The following ZNF7 variants were observed in gnomAD, a reference collection of about 807,000 sequenced individuals.
The protein encoded by ZNF7 is C2-H2 type zinc finger protein.
In ZNF7, 10 loss-of-function variants were observed where a neutral mutation model predicts 12.0. The observed-to-expected ratio is 0.83, with a 90% CI of 0.51 to 1.42. The LOEUF (loss-of-function observed/expected upper bound fraction) is 1.42, where lower values mean the gene tolerates loss of function less well. ZNF7 is among the 40% of genes most tolerant of loss of function. The pLI is 0.00. For missense variants in ZNF7, 854 were observed against 837.2 expected (o/e 1.02, Z -0.25); for synonymous variants, 334 against 295.0 (o/e 1.13, Z -1.35).
chr8:144,827,805 G>T, intron 1 of ZNF7, 196 bp downstream of exon 1: 4 of 547,392 alleles, frequency 7.3e-6, no homozygotes, highest in Non-Finnish European at 9.3e-6. Flanking sequence ...CCCCCGCGGC[G>T]GCGCGAGGTG....
At chr8:144,835,294 C>T (rs1010204698) in intron 3 of ZNF7, 8 of 151,608 alleles carry the variant, frequency 5.3e-5, no homozygotes, top group Non-Finnish European at 1.2e-4. Flanking sequence ...GCCTTGAACT[C>T]CTGGGCTCAA....
chr8:144,829,284 G>T, intron 2 of ZNF7, 194 bp downstream of exon 2: 2 of 1,532,922 alleles, frequency 1.3e-6, no homozygotes, highest in South Asian at 1.2e-5. Context: ...AGGGGGGAGG[G>T]TTGTATGACC....
rs1489708922 is a variant in ZNF7, at chr8:144,831,770, G to A, written c.130+2166G>A. Among the ~76,000 whole-genome samples, 2 of 82,136 alleles carry A rather than the reference G, an allele frequency of 2.4e-5. 1 individual carries two copies. Among genetic ancestry groups the A allele is most frequent in the Non-Finnish European group, 5.4e-5 (2 of 36,972 alleles). The allele number at this position is 82,136 out of a possible 152,430, so 53.9% of individuals were successfully genotyped here. Reference sequence around the variant, plus strand: ...TGCAATCCGGCCTGGGCAACAGAGCGAGACTCCATCTAAAAAAAAAAAAAA... The same window carrying A: ...TGCAATCCGGCCTGGGCAACAGAGCAAGACTCCATCTAAAAAAAAAAAAAA... On this transcript the variant is annotated intron_variant, in intron 3 of 4. Coordinates refer to ENST00000532777, the MANE Select transcript of ZNF7 (RefSeq NM_003416.4).
intron 4 of ZNF7, chr8:144,838,157 T>C: frequency 1.4e-6 from 1 of 702,892 alleles, no homozygotes; most frequent in Middle Eastern, 2.3e-4. Context: ...GATGCGTCCC[T>C]CACTCTGATC....
chr8:144,844,443 G>C (rs1005753426), downstream of ZNF7, among the ~76,000 whole-genome samples: 1 of 152,184 alleles, frequency 6.6e-6, no homozygotes, highest in South Asian at 2.1e-4. Flanking sequence ...GGGCGTGGTG[G>C]CTCACGCCTG....
At chr8:144,828,978 C>G in intron 1 of ZNF7, 65 bp from the exon 2 acceptor site, 2 of 1,574,896 alleles carry the variant, frequency 1.3e-6, no homozygotes, top group Non-Finnish European at 1.7e-6. Flanking sequence ...ACAGTACCCC[C>G]TTGATTAGCC....
chr8:144,846,183 TC>T (rs1230076262), downstream of ZNF7: 14 of 1,535,850 alleles, frequency 9.1e-6, no homozygotes, highest in Non-Finnish European at 1.2e-5. Flanking sequence ...GTCTGAAAAT[TC>T]CAGATTCTGT....
At chr8:144,828,878 G>C in intron 1 of ZNF7, 165 bp from the exon 2 acceptor site, 1 of 784,294 alleles carries the variant, frequency 1.3e-6, no homozygotes, top group Non-Finnish European at 2.0e-6. Flanking sequence ...AGTTCAGTGG[G>C]CCTCCTTCAC....
Position 144,842,208 on chromosome 8 carries a change from T to G in ZNF7, c.1101T>G (p.Cys367Trp). 6.2e-7 allele frequency: 1 copy of G among 1,614,018 alleles called. No homozygotes were observed. The highest frequency in any genetic ancestry group is 8.5e-7 in the Non-Finnish European group (1 of 1,180,002). ...AGAGGCCCTACCCTTGCAAGGAGTG[T>G]GGGAAGGCCTTCAGCCAGAGCTCCA... ...TGERPYPCKE[C>W]GKAFSQSSTL... Residue 367 changes from cysteine (C) to tryptophan (W), a missense_variant, in exon 5 of 5, where the codon TGT becomes TGG. Transcript: ENST00000532777.
chr8:144,841,013 G>A (rs776068630), intron 4 of ZNF7: 8 of 239,276 alleles, frequency 3.3e-5, no homozygotes, highest in East Asian at 9.3e-5. Context: ...AGCCCAATCC[G>A]TGGTAGCTTC....
In ZNF7 at chr8:144,843,261, G is replaced by GAATGTTGGTAA. The variant is rs1222434115; in HGVS notation, c.*95_*105dup. ...AATCGTTTATACTGACAAACATGTA[G>GAATGTTGGTAA]AATGTTGGTAAAGGTTCAGAATTGC... On this transcript the variant is annotated 3_prime_UTR_variant, in exon 5 of 5. Transcript: ENST00000532777. 1 of 1,399,130 alleles carries GAATGTTGGTAA rather than the reference G, an allele frequency of 7.1e-7. No homozygotes were observed. The highest frequency in any genetic ancestry group is 2.3e-5 in the East Asian group (1 of 42,916). The allele number at this position is 1,399,130 out of a possible 1,614,324, so 86.7% of individuals were successfully genotyped here. A position where few individuals can be genotyped will look rare whatever the true frequency, so the allele number is the denominator to read the frequency against.
At position 144,828,981 on chromosome 8, in the gene ZNF7, G is replaced by T; in HGVS notation, c.-45-62G>T. ...GGAGCAGAGAGCACAGTACCCCCTT[G>T]ATTAGCCTGGAAGTTGGGCTTCTGG... is the stretch of plus-strand genomic sequence containing the variant. On this transcript the variant is annotated intron_variant, in intron 1 of 4. Coordinates refer to ENST00000532777, the MANE Select transcript of ZNF7 (RefSeq NM_003416.4). 3 of 1,579,060 alleles carry T rather than the reference G, an allele frequency of 1.9e-6. No individual in the cohort carries two copies. The South Asian group carries it at 3.5e-5, about 18-fold the overall frequency.
downstream of ZNF7, chr8:144,845,861 A>G: frequency 3.1e-6 from 3 of 952,836 alleles, no homozygotes; most frequent in Non-Finnish European, 4.7e-6. Context: ...GTATGTGTGC[A>G]GTGTCCCTGC....
At chr8:144,831,915 C>T (rs1828501744) in intron 3 of ZNF7, among the ~76,000 whole-genome samples, 1 of 98,870 alleles carries the variant, frequency 1.0e-5, no homozygotes, top group African/African-American at 3.0e-5. Context: ...CTGGGGAGAG[C>T]GAGGAGGGAG....
chr8:144,845,930 C>T (rs1323334509), downstream of ZNF7: 1 of 1,516,188 alleles, frequency 6.6e-7, no homozygotes, highest in East Asian at 2.5e-5. Context: ...GCCAGGTGGT[C>T]ACCTTCAGGT....
Position 144,843,537 on chromosome 8 carries a change from G to T in ZNF7, c.*369G>T, listed in dbSNP as rs560815297. 5.3e-5 allele frequency: 8 copies of T among 151,838 alleles called. No individual in the cohort carries two copies. Among genetic ancestry groups the T allele is most frequent in the Middle Eastern group, 3.3e-3 (1 of 302 alleles). 9.4% of individuals were successfully genotyped at this position (151,838 alleles called of 1,614,324 possible). ...CAGGAGGCGGAGCTTGCAGTGAGCT[G>T]AGATCGCGCCACTGCACTCCAGCCT... On this transcript the variant is annotated 3_prime_UTR_variant, in exon 5 of 5. Transcript: ENST00000532777.
chr8:144,831,652 G>T (rs62531521), intron 3 of ZNF7, among the ~76,000 whole-genome samples: 31,172 of 84,138 alleles, frequency 0.37, 8,187 homozygotes, highest in Non-Finnish European at 0.51. Context: ...GTGTGGTGGC[G>T]CATGCCTGTA....
At position 144,842,938 on chromosome 8, in the gene ZNF7, G is replaced by A. The variant is rs780700459; in HGVS notation, c.1831G>A (p.Glu611Lys). Residue 611 changes from glutamate (E) to lysine (K), a missense_variant, in exon 5 of 5, where the codon GAA (glutamate) becomes AAA (lysine). Glu to Lys is a moderately conservative substitution (Grantham distance 56). Transcript: ENST00000532777. Reference sequence around the variant, plus strand: ...ACACACTAGGGCCCAGTGGTTTTACGAATATGGGAATGCCCTGGAAGGGTC... The same window carrying A: ...ACACACTAGGGCCCAGTGGTTTTACAAATATGGGAATGCCCTGGAAGGGTC... ...RIHTRAQWFY[E>K]YGNALEGSTF... The A allele has an allele frequency of 6.2e-6, 10 of 1,614,128 alleles. No individual in the cohort carries two copies. Among genetic ancestry groups the A allele is most frequent in the African/African-American group, 1.3e-5 (1 of 75,032 alleles).
intron 3 of ZNF7, among the ~76,000 whole-genome samples, chr8:144,833,015 T>C (rs1034605967): frequency 2.6e-5 from 4 of 152,142 alleles, no homozygotes; most frequent in Non-Finnish European, 4.4e-5. Flanking sequence ...CAGGCCAACA[T>C]GGTGAAACCT....
Sources: allele counts gnomAD v4.1 joint callset (sites outside exome capture counted in the v4.1 genomes callset), GRCh38; gene constraint gnomAD v4.1.1; transcripts MANE v1.5; gene names NCBI Gene and HGNC (gene_info 2026-07-23, HGNC 2026-07-21).